PTPN4: variants seen among roughly 807,000 people sequenced by gnomAD.
PTPN4 encodes protein tyrosine phosphatase non-receptor type 4, also known as tyrosine-protein phosphatase non-receptor type 4.
A neutral mutation model predicts 135.5 loss-of-function variants in PTPN4; 49 were observed. The ratio of observed to expected loss-of-function variants is 0.36; its 90% confidence interval spans 0.29 to 0.46. The LOEUF (loss-of-function observed/expected upper bound fraction) is 0.46, where lower values mean the gene tolerates loss of function less well. Ranked by LOEUF, PTPN4 falls within the 20% of genes least tolerant of loss-of-function variation. The pLI is 1.00. For missense variants in PTPN4, 860 were observed against 1,101.0 expected, an observed-to-expected ratio of 0.78 and a Z score of 3.10; for synonymous variants, 333 against 369.9, an observed-to-expected ratio of 0.90 and a Z score of 1.14.
chr2:119,963,088 T>A (rs1679393602), intron 24 of PTPN4, among the ~76,000 whole-genome samples: 2 of 152,182 alleles, frequency 1.3e-5, no homozygotes, highest in Admixed American at 1.3e-4. Context: ...AGTACAGTAT[T>A]TGGGTGTGTC....
intron 1 of PTPN4, among the ~76,000 whole-genome samples, chr2:119,788,074 T>G (rs1191314139): frequency 6.6e-6 from 1 of 152,222 alleles, no homozygotes; most frequent in Non-Finnish European, 1.5e-5. Context: ...AATTAAAGTT[T>G]ATTTTGGTTT....
chr2:119,794,907 T>TG, intron 1 of PTPN4, among the ~76,000 whole-genome samples: 1 of 152,290 alleles, frequency 6.6e-6, no homozygotes, highest in East Asian at 1.9e-4. Flanking sequence ...AGAGGAGACC[T>TG]GCAGTGGGCA....
intron 2 of PTPN4, among the ~76,000 whole-genome samples, chr2:119,840,286 C>T (rs1199895275): frequency 6.6e-6 from 1 of 152,152 alleles, no homozygotes; most frequent in Non-Finnish European, 1.5e-5. Context: ...TCACAGGTCT[C>T]ACAGGTGTTG....
chr2:119,812,408 G>T (rs1237922237), intron 2 of PTPN4, among the ~76,000 whole-genome samples: 5 of 152,170 alleles, frequency 3.3e-5, no homozygotes, highest in Admixed American at 6.5e-5. Context: ...TTTCATGAAA[G>T]ATTTTTGCAC....
chr2:119,854,583 C>A (rs549696395), intron 2 of PTPN4, among the ~76,000 whole-genome samples: 2 of 152,182 alleles, frequency 1.3e-5, no homozygotes, highest in Admixed American at 6.5e-5. Flanking sequence ...TCTAAGGGTC[C>A]TTGGAAGAAT....
chr2:119,837,823 G>T (rs879491419), intron 2 of PTPN4, among the ~76,000 whole-genome samples: 1 of 152,218 alleles, frequency 6.6e-6, no homozygotes, highest in Non-Finnish European at 1.5e-5. Flanking sequence ...TCAGGTGCCC[G>T]CATCGGAAGT....
chr2:119,976,196 A>G, intron 26 of PTPN4, among the ~76,000 whole-genome samples: 1 of 151,790 alleles, frequency 6.6e-6, no homozygotes, highest in South Asian at 2.1e-4. Flanking sequence ...ACGGGGTTTC[A>G]CCGTGTTAGC....
chr2:119,857,280 C>T (rs1278625715), intron 2 of PTPN4, among the ~76,000 whole-genome samples: 2 of 152,052 alleles, frequency 1.3e-5, no homozygotes, highest in Admixed American at 1.3e-4. Flanking sequence ...CCTGTAATCC[C>T]AGCACTTTGG....
intron 9 of PTPN4, among the ~76,000 whole-genome samples, chr2:119,890,979 T>C (rs567541213): frequency 3.8e-4 from 58 of 152,332 alleles, no homozygotes; most frequent in African/African-American, 1.1e-3. Flanking sequence ...GGATTTTCTT[T>C]ATAGGTGATG....
At chr2:119,837,147 A>G (rs955150274) in intron 2 of PTPN4, among the ~76,000 whole-genome samples, 3 of 152,126 alleles carry the variant, frequency 2.0e-5, no homozygotes, top group South Asian at 2.1e-4. Flanking sequence ...GGGCCCACGC[A>G]TGGCCACCCA....
chr2:119,935,073 C>G (rs6542553), intron 15 of PTPN4, 115 bp downstream of exon 15: 55,482 of 1,233,636 alleles, frequency 0.045, 1,414 homozygotes, highest in African/African-American at 0.077. Flanking sequence ...TGCAACTTTT[C>G]AAAATGTGTA....
At chr2:119,935,378 A>G (rs566793086) in intron 15 of PTPN4, among the ~76,000 whole-genome samples, 1 of 152,326 alleles carries the variant, frequency 6.6e-6, no homozygotes, top group East Asian at 1.9e-4. Context: ...ACCTATGTAG[A>G]TAGGTAAGAA....
At chr2:119,794,497 A>G (rs762595028) in intron 1 of PTPN4, among the ~76,000 whole-genome samples, 1 of 152,170 alleles carries the variant, frequency 6.6e-6, no homozygotes, top group Non-Finnish European at 1.5e-5. Flanking sequence ...AGGTGTCGGC[A>G]TGGGTGCTGG....
intron 15 of PTPN4, among the ~76,000 whole-genome samples, chr2:119,940,228 G>A (rs772736615): frequency 1.8e-4 from 28 of 152,132 alleles, no homozygotes; most frequent in Admixed American, 9.8e-4. Flanking sequence ...TGCCTTGTGC[G>A]TTAATTGGTA....
intron 1 of PTPN4, among the ~76,000 whole-genome samples, chr2:119,795,775 A>G (rs1364615492): frequency 6.6e-6 from 1 of 152,214 alleles, no homozygotes; most frequent in Non-Finnish European, 1.5e-5. Context: ...TCTGTGGAGC[A>G]AGGCACCGCC....
intron 6 of PTPN4, 127 bp downstream of exon 6, chr2:119,881,957 C>T: frequency 9.6e-7 from 1 of 1,046,938 alleles, no homozygotes; most frequent in Non-Finnish European, 1.4e-6. Flanking sequence ...AGTGTGAATT[C>T]CTTTCATCAG....
intron 4 of PTPN4, 36 bp from the exon 5 acceptor site, chr2:119,877,428 A>G (rs1678000618): frequency 6.2e-7 from 1 of 1,605,770 alleles, no homozygotes; most frequent in South Asian, 1.1e-5. Flanking sequence ...GGATTAATAT[A>G]GTCTGATTAA....
intron 4 of PTPN4, 49 bp from the exon 5 acceptor site, chr2:119,877,415 A>G (rs548716797): frequency 6.2e-7 from 1 of 1,607,800 alleles, no homozygotes; most frequent in South Asian, 1.1e-5. Context: ...TTATAAAGAT[A>G]AAGGATTAAT....
In PTPN4 at chr2:119,804,401, G is replaced by A. The variant is rs151038781; in HGVS notation, c.-17-5436G>A. 5.9e-3 allele frequency among the ~76,000 whole-genome samples: 895 copies of A among 152,152 alleles called. 7 individuals are homozygous for A. Among genetic ancestry groups the A allele is most frequent in the African/African-American group, 0.02 (840 of 41,502 alleles). ...CCCATTAACTCATCATTTACATTAG[G>A]TATTTCTCCTAATACCATCCCTCTC... On this transcript the variant is annotated intron_variant, in intron 1 of 26. Coordinates refer to ENST00000263708, the MANE Select transcript of PTPN4 (RefSeq NM_002830.4).
Sources: gnomAD v4.1 joint callset for allele counts (sites outside exome capture counted in the v4.1 genomes callset) on GRCh38, gnomAD v4.1.1 for gene constraint, MANE v1.5 for transcripts, NCBI Gene and HGNC (gene_info 2026-07-23, HGNC 2026-07-21) for gene names.